The following FMN2 variants were observed in gnomAD, a reference collection of about 807,000 sequenced individuals.
FMN2 encodes formin-2.
FMN2 carries 51 observed loss-of-function variants against 142.3 expected under a neutral mutation model. That is an observed-to-expected ratio of 0.36 (90% CI 0.29 to 0.45). FMN2 has a LOEUF of 0.45. FMN2 is among the 20% of genes least tolerant of loss of function. The probability of loss-of-function intolerance (pLI) is 1.00; values close to 1 mark genes in which losing one functional copy is unlikely to be tolerated. For synonymous variants in FMN2, 882 were observed against 869.8 expected, an observed-to-expected ratio of 1.01 and a Z score of -0.25; for missense variants, 1,936 against 2,122.8, an observed-to-expected ratio of 0.91 and a Z score of 1.73.
intron 15 of FMN2, among the ~76,000 whole-genome samples, chr1:240,422,097 G>A (rs932372527): frequency 1.3e-5 from 2 of 152,156 alleles, no homozygotes; most frequent in South Asian, 2.1e-4. Context: ...CTGTTCTACA[G>A]TTTCATTGAT....
intron 7 of FMN2, among the ~76,000 whole-genome samples, chr1:240,283,207 A>G (rs1388972544): frequency 2.0e-5 from 3 of 152,068 alleles, no homozygotes; most frequent in Non-Finnish European, 4.4e-5. Flanking sequence ...GAAATAAATA[A>G]AAATTAAGGC....
chr1:240,128,198 A>C (rs938184930), intron 2 of FMN2, among the ~76,000 whole-genome samples: 1 of 152,180 alleles, frequency 6.6e-6, no homozygotes, highest in Non-Finnish European at 1.5e-5. Context: ...AGTGGTCTGA[A>C]GCTAGGCTTC....
At chr1:240,348,324 T>G (rs960480383) in intron 13 of FMN2, among the ~76,000 whole-genome samples, 4 of 151,474 alleles carry the variant, frequency 2.6e-5, no homozygotes, top group Non-Finnish European at 5.9e-5. Flanking sequence ...CGGGTTCAAG[T>G]GATTCTCGTG....
chr1:240,463,143 T>C (rs528869688), intron 16 of FMN2, among the ~76,000 whole-genome samples: 8 of 152,312 alleles, frequency 5.3e-5, no homozygotes, highest in East Asian at 3.9e-4. Context: ...GCTCAGATGA[T>C]TCCCGTGTTT....
chr1:240,274,578 T>C (rs930411594), intron 7 of FMN2, among the ~76,000 whole-genome samples: 2 of 151,972 alleles, frequency 1.3e-5, no homozygotes, highest in African/African-American at 4.8e-5. Flanking sequence ...AACAGAGGGT[T>C]TAGGTAGAGG....
intron 13 of FMN2, among the ~76,000 whole-genome samples, chr1:240,353,530 A>C: frequency 6.6e-6 from 1 of 152,208 alleles, no homozygotes; most frequent in East Asian, 1.9e-4. Flanking sequence ...AATGGAAATA[A>C]GATGGATTTC....
rs112896289 is a variant in FMN2 at position 240,198,700 on chromosome 1, TTATATC to T, written c.1987-8093_1987-8088del. Among the ~76,000 whole-genome samples, 834 of 152,272 alleles carry T rather than the reference TTATATC, an allele frequency of 5.5e-3. 5 individuals carry two copies. The highest frequency in any genetic ancestry group is 0.019 in the African/African-American group (808 of 41,554). On this transcript the variant is annotated intron_variant, in intron 4 of 17. Coordinates refer to ENST00000319653, the MANE Select transcript of FMN2 (RefSeq NM_020066.5). ...GCTTGTATTTTAGTTTTGTGCAAAA[TTATATC>T]TATATAACACCTCGATCTCTTTCCC...
intron 15 of FMN2, among the ~76,000 whole-genome samples, chr1:240,399,740 A>G (rs943826326): frequency 9.9e-5 from 15 of 152,142 alleles, no homozygotes; most frequent in Non-Finnish European, 1.9e-4. Context: ...GCTCAGGTGT[A>G]GCCAACCGAG....
chr1:240,092,257 A>G lies in FMN2; in HGVS notation c.148A>G (p.Lys50Glu), dbSNP rs534567846. The G allele has an allele frequency of 2.1e-6, 2 of 975,330 alleles. No homozygotes were observed. Among genetic ancestry groups the G allele is most frequent in the Non-Finnish European group, 3.0e-6 (2 of 660,166 alleles). The allele number at this position is 975,330 out of a possible 1,614,324, so 60.4% of individuals were successfully genotyped here. A position where few individuals can be genotyped will look rare whatever the true frequency, so the allele number is the denominator to read the frequency against. ...GGKKALGKHG[K>E]GGGGGGGGGE... is the part of the protein sequence containing the mutation. ...CAAGAAGGCGCTAGGCAAGCACGGC[A>G]AGGGGGGAGGGGGCGGCGGCGGCGG... Residue 50 changes from lysine to glutamate, a missense_variant, in exon 1 of 18, where the codon AAG becomes GAG. Transcript: ENST00000319653.
intron 7 of FMN2, among the ~76,000 whole-genome samples, chr1:240,277,164 C>T (rs1349593776): frequency 1.3e-5 from 2 of 151,986 alleles, no homozygotes; most frequent in African/African-American, 2.4e-5. Flanking sequence ...TAAATGTAAA[C>T]AGAAAATTCA....
intron 2 of FMN2, chr1:240,144,286 C>T (rs1571978763): frequency 6.2e-7 from 1 of 1,605,740 alleles, no homozygotes; most frequent in South Asian, 1.1e-5. Context: ...CAGAGTCCAC[C>T]TGAGAGCCAC....
Position 240,093,568 on chromosome 1 carries a change from G to C in FMN2, c.1459G>C (p.Glu487Gln). The change falls in exon 1 of 18, where the codon GAG becomes CAG. Residue 487 changes from glutamate (E) to glutamine (Q), a missense_variant. Glu to Gln is a conservative substitution (Grantham distance 29). Coordinates refer to ENST00000319653, the MANE Select transcript of FMN2 (RefSeq NM_020066.5). The part of the protein sequence containing the change: ...AGLSRSADWT[E>Q]ELGARTPRVG... ...CCTGAGCCGCTCGGCTGACTGGACG[G>C]AGGAGCTAGGCGCCCGCACGCCCCG... 6.8e-7 allele frequency: 1 copy of C among 1,475,738 alleles called. No individual in the cohort carries two copies. Among genetic ancestry groups the C allele is most frequent in the Non-Finnish European group, 8.9e-7 (1 of 1,123,456 alleles). The allele number at this position is 1,475,738 out of a possible 1,614,324, so 91.4% of individuals were successfully genotyped here. A position where few individuals can be genotyped will look rare whatever the true frequency, so the allele number is the denominator to read the frequency against.
intron 8 of FMN2, among the ~76,000 whole-genome samples, chr1:240,320,271 G>C (rs1051950236): frequency 5.9e-5 from 9 of 152,284 alleles, no homozygotes; most frequent in Non-Finnish European, 1.2e-4. Context: ...AAGACTGGGG[G>C]AGAGGGAAGG....
chr1:240,462,942 A>G (rs892215798), intron 16 of FMN2, among the ~76,000 whole-genome samples: 2 of 152,190 alleles, frequency 1.3e-5, no homozygotes, highest in African/African-American at 4.8e-5. Flanking sequence ...AGGAAAAATG[A>G]GTAGGCAGTC....
chr1:240,363,316 A>T (rs1672556118), intron 14 of FMN2, among the ~76,000 whole-genome samples: 1 of 152,162 alleles, frequency 6.6e-6, no homozygotes, highest in Non-Finnish European at 1.5e-5. Flanking sequence ...AAAGAAGCAA[A>T]TTGTCTTTTA....
chr1:240,332,852 T>G (rs1485192689), intron 11 of FMN2, among the ~76,000 whole-genome samples: 1 of 152,186 alleles, frequency 6.6e-6, no homozygotes, highest in African/African-American at 2.4e-5. Context: ...CCTAGTTTTG[T>G]TAATTGATTC....
Position 240,180,566 on chromosome 1 carries a change from C to CTTTCT in FMN2, c.1930+2501_1930+2502insCTTTT, listed in dbSNP as rs377033509. 5.4e-4 allele frequency among the ~76,000 whole-genome samples: 68 copies of CTTTCT among 126,166 alleles called. 1 individual carries two copies. Among genetic ancestry groups the CTTTCT allele is most frequent in the Middle Eastern group, 4.5e-3 (1 of 224 alleles). The allele number at this position is 126,166 out of a possible 152,430, so 82.8% of individuals were successfully genotyped here. Reference sequence around the variant, plus strand: ...ATCCACTGTATATAACACATGACCCCTTTTTTTTTTTTTTTTTTTTAATGG... The same window carrying CTTTCT: ...ATCCACTGTATATAACACATGACCCCTTTCTTTTTTTTTTTTTTTTTTTTTAATGG... On this transcript the variant is annotated intron_variant, in intron 3 of 17. Transcript: ENST00000319653.
In FMN2 at chr1:240,144,643, G is replaced by A; in HGVS notation, c.1782+21298G>A. The A allele has an allele frequency of 2.3e-6, 3 of 1,291,894 alleles. No individual in the cohort carries two copies. In the South Asian group the frequency reaches 3.5e-5, roughly 15 times the overall value. The allele number at this position is 1,291,894 out of a possible 1,614,324, so 80.0% of individuals were successfully genotyped here. A position where few individuals can be genotyped will look rare whatever the true frequency, so the allele number is the denominator to read the frequency against. On this transcript the variant is annotated intron_variant, in intron 2 of 17. Transcript: ENST00000319653. The stretch of plus-strand genomic sequence containing the variant: ...CCAGGGCACAACGCAGTAGGACTGA[G>A]TTCTCAGGCTCAGACACATAATTCA...
chr1:240,101,396 G>T (rs190002862), intron 1 of FMN2, among the ~76,000 whole-genome samples: 144 of 152,302 alleles, frequency 9.5e-4, no homozygotes, highest in African/African-American at 3.4e-3. Context: ...GATGGTGAGA[G>T]TGGTGATGTT....
Sources: allele counts gnomAD v4.1 joint callset (sites outside exome capture counted in the v4.1 genomes callset), GRCh38; gene constraint gnomAD v4.1.1; transcripts MANE v1.5; gene names NCBI Gene and HGNC (gene_info 2026-07-23, HGNC 2026-07-21).